The following GTF2IRD1 variants were observed in gnomAD, a reference collection of about 807,000 sequenced individuals.
The protein encoded by GTF2IRD1 is GTF2I repeat domain containing 1, also known as general transcription factor II-I repeat domain-containing protein 1.
Under a neutral mutation model 113.2 loss-of-function variants are expected in GTF2IRD1, and 26 were observed. The observed-to-expected ratio is 0.23, with a 90% CI of 0.17 to 0.32. GTF2IRD1 has a LOEUF of 0.32. Ranked by LOEUF, GTF2IRD1 falls within the 10% of genes least tolerant of loss-of-function variation. The pLI is 1.00. For missense variants in GTF2IRD1, 864 were observed against 1,280.8 expected, an observed-to-expected ratio of 0.67 and a Z score of 4.97; for synonymous variants, 484 against 529.1, an observed-to-expected ratio of 0.91 and a Z score of 1.17.
Position 74,515,560 on chromosome 7 carries a change from C to A in GTF2IRD1, c.385C>A (p.Arg129=). ...LEHGSDVYLL[R]KMVEEVFDVL... ...ACATGGCTCAGATGTGTACCTTCTG[C>A]GGAAGATGGTAGAGGAGGTGTTTGA... The change falls in exon 4 of 27, where the codon CGG becomes AGG. Residue 129 remains arginine, a synonymous_variant. Transcript: ENST00000424337. The A allele has an allele frequency of 6.2e-7, 1 of 1,613,560 alleles. No individual in the cohort carries two copies. The highest frequency in any genetic ancestry group is 8.5e-7 in the Non-Finnish European group (1 of 1,179,586).
intron 14 of GTF2IRD1, among the ~76,000 whole-genome samples, chr7:74,544,060 A>G (rs1285861341): frequency 6.6e-6 from 1 of 152,090 alleles, no homozygotes; most frequent in African/African-American, 2.4e-5. Flanking sequence ...AGCTCCAGTC[A>G]CATCCTCCTC....
chr7:74,564,808 A>C (rs587595328), intron 22 of GTF2IRD1, among the ~76,000 whole-genome samples: 231 of 152,222 alleles, frequency 1.5e-3, no homozygotes, highest in Non-Finnish European at 2.6e-3. Context: ...TGAGGACATC[A>C]CGTTTGCCTT....
At chr7:74,504,736 G>A (rs1554340545) in intron 1 of GTF2IRD1, among the ~76,000 whole-genome samples, 1 of 129,534 alleles carries the variant, frequency 7.7e-6, no homozygotes. Flanking sequence ...TTAATGGAGT[G>A]TTGCTCTGTT....
At chr7:74,570,801 C>T (rs73702621) in intron 22 of GTF2IRD1, among the ~76,000 whole-genome samples, 2,462 of 152,238 alleles carry the variant, frequency 0.016, 77 homozygotes, top group African/African-American at 0.056. Flanking sequence ...ATAGGGCTTG[C>T]TGCAGGAGAG....
At chr7:74,564,511 G>A (rs1194913584) in intron 22 of GTF2IRD1, among the ~76,000 whole-genome samples, 8 of 152,152 alleles carry the variant, frequency 5.3e-5, no homozygotes, top group Admixed American at 5.2e-4. Flanking sequence ...AGCATTTTGG[G>A]AGGCCAAGAT....
chr7:74,540,525 CTATT>C (rs1798570440), intron 14 of GTF2IRD1, among the ~76,000 whole-genome samples: 1 of 151,936 alleles, frequency 6.6e-6, no homozygotes, highest in African/African-American at 2.4e-5. Flanking sequence ...TATCCAACAA[CTATT>C]TATTGAGCAT....
intron 10 of GTF2IRD1, among the ~76,000 whole-genome samples, chr7:74,535,364 G>A (rs1798233113): frequency 1.3e-5 from 2 of 152,346 alleles, no homozygotes; most frequent in African/African-American, 4.8e-5. Flanking sequence ...TGGACAGAGA[G>A]TACTAAAGCT....
intron 22 of GTF2IRD1, among the ~76,000 whole-genome samples, chr7:74,559,893 C>T (rs1474339118): frequency 6.6e-6 from 1 of 152,096 alleles, no homozygotes; most frequent in African/African-American, 2.4e-5. Context: ...AATTCTCCTG[C>T]CTCAGACTCC....
intron 20 of GTF2IRD1, 64 bp downstream of exon 20, chr7:74,557,786 TC>T: frequency 9.8e-7 from 1 of 1,016,366 alleles, no homozygotes; most frequent in Non-Finnish European, 1.5e-6. Context: ...GTGGGAGGCT[TC>T]CCAGTTCCAG....
intron 20 of GTF2IRD1, among the ~76,000 whole-genome samples, chr7:74,558,460 A>G (rs1554357955): frequency 6.8e-6 from 1 of 146,388 alleles, no homozygotes; most frequent in African/African-American, 2.5e-5. Flanking sequence ...CCTGGGCTCA[A>G]GCAATCCTCC....
chr7:74,585,072 G>A (rs1801640324), intron 22 of GTF2IRD1, among the ~76,000 whole-genome samples: 1 of 150,444 alleles, frequency 6.6e-6, no homozygotes, highest in Admixed American at 6.6e-5. Context: ...AAAGTGCTGG[G>A]ATTACAGATG....
chr7:74,544,661 G>T (rs1798821919), intron 14 of GTF2IRD1, 94 bp from the exon 15 acceptor site: 1 of 1,291,182 alleles, frequency 7.7e-7, no homozygotes, highest in East Asian at 2.3e-5. Context: ...GGGCCCCCTG[G>T]CCTGCCATTC....
intron 1 of GTF2IRD1, among the ~76,000 whole-genome samples, chr7:74,465,904 G>T (rs1215209275): frequency 6.6e-6 from 1 of 152,108 alleles, no homozygotes; most frequent in Non-Finnish European, 1.5e-5. Context: ...CGAGTAGCTG[G>T]GATCACGGGC....
chr7:74,552,456 C>T (rs1799368132), intron 17 of GTF2IRD1, among the ~76,000 whole-genome samples: 2 of 152,212 alleles, frequency 1.3e-5, no homozygotes, highest in South Asian at 2.1e-4. Context: ...ACAGAGGTTG[C>T]AGTGAGCTGA....
At chr7:74,528,614 T>C (rs1216169836) in intron 8 of GTF2IRD1, among the ~76,000 whole-genome samples, 2 of 139,174 alleles carry the variant, frequency 1.4e-5, no homozygotes, top group Non-Finnish European at 3.0e-5. Context: ...GGGGAGGGAA[T>C]GAGGGATGGA....
intron 1 of GTF2IRD1, among the ~76,000 whole-genome samples, chr7:74,489,301 T>C (rs1209097744): frequency 6.6e-6 from 1 of 152,116 alleles, no homozygotes; most frequent in African/African-American, 2.4e-5. Flanking sequence ...GCTGTCATGG[T>C]CGGGGGTGTC....
intron 22 of GTF2IRD1, among the ~76,000 whole-genome samples, chr7:74,579,254 G>A (rs1243852730): frequency 2.0e-5 from 3 of 152,166 alleles, no homozygotes; most frequent in Non-Finnish European, 4.4e-5. Context: ...GCTGCAGTGA[G>A]CTAGGATCGC....
intron 1 of GTF2IRD1, among the ~76,000 whole-genome samples, chr7:74,466,124 G>T (rs1318510648): frequency 6.6e-6 from 1 of 152,198 alleles, no homozygotes; most frequent in East Asian, 1.9e-4. Context: ...AGGTAGAACT[G>T]GTTGGTCCCC....
intron 8 of GTF2IRD1, among the ~76,000 whole-genome samples, 166 bp downstream of exon 8, chr7:74,524,320 G>C (rs1320916067): frequency 1.3e-5 from 2 of 152,176 alleles, no homozygotes; most frequent in Admixed American, 6.5e-5. Flanking sequence ...GTCTGGGTAG[G>C]GGGTGGTTGT....
Sources: allele counts gnomAD v4.1 joint callset (sites outside exome capture counted in the v4.1 genomes callset), GRCh38; gene constraint gnomAD v4.1.1; transcripts MANE v1.5; gene names NCBI Gene and HGNC (gene_info 2026-07-23, HGNC 2026-07-21).